NOS1: variants seen among roughly 807,000 people sequenced by gnomAD.
The protein encoded by NOS1 is nitric oxide synthase 1.
A neutral mutation model predicts 164.5 loss-of-function variants in NOS1; 51 were observed. The ratio of observed to expected loss-of-function variants is 0.31; its 90% CI spans 0.25 to 0.39. The LOEUF is 0.39. NOS1 is among the 10% of genes least tolerant of loss of function. The pLI is 1.00. For missense variants in NOS1, 1,362 were observed against 1,885.6 expected, an observed-to-expected ratio of 0.72 and a Z score of 5.14; for synonymous variants, 719 against 745.8, an observed-to-expected ratio of 0.96 and a Z score of 0.59.
At chr12:117,360,102 T>C (rs1335473388) in intron 1 of NOS1, among the ~76,000 whole-genome samples, 1 of 150,308 alleles carries the variant, frequency 6.7e-6, no homozygotes, top group Non-Finnish European at 1.5e-5. Context: ...ACGCAACAAG[T>C]AAAGGGTCGA....
At chr12:117,268,328 T>A (rs1872567935) in intron 10 of NOS1, among the ~76,000 whole-genome samples, 184 bp from the exon 11 acceptor site, 1 of 152,014 alleles carries the variant, frequency 6.6e-6, no homozygotes, top group South Asian at 2.1e-4. Context: ...CCTCCTGCAT[T>A]CAAGCGATTC....
intron 17 of NOS1, among the ~76,000 whole-genome samples, chr12:117,249,199 CAAG>C (rs1870894787): frequency 6.6e-6 from 1 of 152,124 alleles, no homozygotes. Flanking sequence ...TCTGGTATCT[CAAG>C]AAGAACAGTG....
chr12:117,269,374 T>A (rs900873413), intron 10 of NOS1, among the ~76,000 whole-genome samples: 11 of 151,424 alleles, frequency 7.3e-5, no homozygotes, highest in Non-Finnish European at 2.9e-5. Flanking sequence ...GAGACAGGAC[T>A]AGCTGGTGTA....
chr12:117,326,161 G>A (rs768616763), intron 2 of NOS1, among the ~76,000 whole-genome samples: 5 of 151,466 alleles, frequency 3.3e-5, no homozygotes, highest in African/African-American at 4.9e-5. Flanking sequence ...CGAGACGGGC[G>A]GATCACCTGA....
chr12:117,340,871 C>CTTTTTT (rs775978271), intron 1 of NOS1, among the ~76,000 whole-genome samples: 12 of 96,436 alleles, frequency 1.2e-4, no homozygotes, highest in South Asian at 7.2e-4. Context: ...TCACACCTGG[C>CTTTTTT]TATTTTTTTT....
rs142244649 is a variant in NOS1 at position 117,275,284 on chromosome 12, C to G, written c.1664+2675G>C. Among the ~76,000 whole-genome samples, 1,240 of 152,112 alleles carry G rather than the reference C, an allele frequency of 8.2e-3. 10 individuals carry two copies. The highest frequency in any genetic ancestry group is 0.01 in the Non-Finnish European group (694 of 67,980). ...TGAACTCCAAATTAATTCTCTCTCT[C>G]TCTCTCTCCCCACACTGGAATACCA... On this transcript the variant is annotated intron_variant, in intron 9 of 28. Transcript: ENST00000317775.
Position 117,214,640 on chromosome 12 carries a change from C to G in NOS1, c.*669G>C, listed in dbSNP as rs1444913578. On this transcript the variant is annotated 3_prime_UTR_variant, in exon 29 of 29. Coordinates refer to ENST00000317775, the MANE Select transcript of NOS1 (RefSeq NM_000620.5). ...CCACTCCTCTCCCCATGCCCTGAAC[C>G]CTTTCTAACTAGAACAATTATGGGG... 2 of 985,274 alleles carry G rather than the reference C, an allele frequency of 2.0e-6. No homozygotes were observed. Among genetic ancestry groups the G allele is most frequent in the African/African-American group, 1.7e-5 (1 of 57,218 alleles). 61.0% of individuals were successfully genotyped at this position (985,274 alleles called of 1,614,324 possible). A position where few individuals can be genotyped will look rare whatever the true frequency, so the allele number is the denominator to read the frequency against.
Position 117,243,745 on chromosome 12 carries a change from C to T in NOS1, c.2824-310G>A, listed in dbSNP as rs41458949. The stretch of plus-strand genomic sequence containing the variant: ...CCATGTATCTATCTTTCCATCCATC[C>T]ATCCATCCACCCATCCATCCACCCA... On this transcript the variant is annotated intron_variant, in intron 18 of 28. Coordinates refer to ENST00000317775, the MANE Select transcript of NOS1 (RefSeq NM_000620.5). This position sits in a 1 kb window ranked among gnomAD's most constrained non-coding sequence, Gnocchi z 4.3. 6.0e-3 allele frequency among the ~76,000 whole-genome samples: 911 copies of T among 152,022 alleles called. 9 individuals are homozygous for T. The highest frequency in any genetic ancestry group is 0.021 in the African/African-American group (872 of 41,464).
intron 1 of NOS1, among the ~76,000 whole-genome samples, chr12:117,344,995 CTTGCTTGCTTGCTTGG>C (rs1876279294): frequency 6.8e-6 from 1 of 147,920 alleles, no homozygotes; most frequent in Non-Finnish European, 1.5e-5. Flanking sequence ...ATGATTAATT[CTTGCTTGCTTGCTTGG>C]TTGCTTGGTT....
Position 117,232,043 on chromosome 12 carries a change from T to C in NOS1, c.3324A>G (p.Pro1108=), listed in dbSNP as rs766290200. Residue 1108 remains proline, a synonymous_variant, in exon 22 of 29, where the codon CCA becomes CCG. Coordinates refer to ENST00000317775, the MANE Select transcript of NOS1 (RefSeq NM_000620.5). ...AFKYYLDITT[P]PTPLQLQQFA... ...ACTGCTGCAGCTGCAGAGGCGTTGGTGGCGTGGTGATGTCCAGGTAGTACT... is the reference window on the plus strand; with the variant it reads ...ACTGCTGCAGCTGCAGAGGCGTTGGCGGCGTGGTGATGTCCAGGTAGTACT... The C allele has an allele frequency of 1.2e-6, 2 of 1,612,470 alleles. No individual in the cohort carries two copies. The highest frequency in any genetic ancestry group is 2.2e-5 in the South Asian group (2 of 90,990).
intron 1 of NOS1, among the ~76,000 whole-genome samples, chr12:117,360,937 C>T (rs1877113447): frequency 6.6e-6 from 1 of 152,090 alleles, no homozygotes; most frequent in Non-Finnish European, 1.5e-5. Flanking sequence ...AAAGTTGGAG[C>T]CTGGGCGCGT....
At chr12:117,359,508 G>A (rs1877016262) in intron 1 of NOS1, among the ~76,000 whole-genome samples, 1 of 152,186 alleles carries the variant, frequency 6.6e-6, no homozygotes, top group Admixed American at 6.5e-5. Context: ...CTCGGGAGGA[G>A]AGGTCTGGGG....
At chr12:117,240,975 C>T (rs557855371) in intron 20 of NOS1, among the ~76,000 whole-genome samples, 18 of 149,814 alleles carry the variant, frequency 1.2e-4, no homozygotes, top group African/African-American at 2.7e-4. Flanking sequence ...AGTCTCATTC[C>T]GTCGCCCAGG....
intron 3 of NOS1, chr12:117,305,122 G>T: frequency 1.0e-6 from 1 of 960,116 alleles, no homozygotes; most frequent in Non-Finnish European, 1.2e-6. Flanking sequence ...TAGGCCCCCT[G>T]TGGATGCTTA....
chr12:117,208,742 T>C lies in NOS1; in HGVS notation c.*6567A>G, dbSNP rs1457703766. ...GCATGGGAGGGCTTTTTTTTTTTTTTCCACAGGGTCTCATTCTGTCAACAA... is the reference window on the plus strand; with the variant it reads ...GCATGGGAGGGCTTTTTTTTTTTTTCCCACAGGGTCTCATTCTGTCAACAA... On this transcript the variant is annotated 3_prime_UTR_variant, in exon 29 of 29. Transcript: ENST00000317775. 1.1e-5 allele frequency: 11 copies of C among 988,864 alleles called. No individual in the cohort carries two copies. Among genetic ancestry groups the C allele is most frequent in the East Asian group, 2.2e-4 (2 of 9,200 alleles). 61.3% of individuals were successfully genotyped at this position (988,864 alleles called of 1,614,324 possible).
At chr12:117,260,907 C>T (rs1416136033) in intron 13 of NOS1, among the ~76,000 whole-genome samples, 2 of 151,388 alleles carry the variant, frequency 1.3e-5, no homozygotes, top group Non-Finnish European at 2.9e-5. Flanking sequence ...GTAGCTCATG[C>T]TTATAATCCC....
intron 3 of NOS1, among the ~76,000 whole-genome samples, chr12:117,294,015 G>A (rs1021438275): frequency 6.6e-6 from 1 of 152,130 alleles, no homozygotes; most frequent in African/African-American, 2.4e-5. Flanking sequence ...TCTGGGCAGG[G>A]CTTTGTAGCA....
At chr12:117,269,874 A>G (rs750248265) in intron 10 of NOS1, among the ~76,000 whole-genome samples, 4 of 152,306 alleles carry the variant, frequency 2.6e-5, no homozygotes, top group East Asian at 1.9e-4. Flanking sequence ...ATGACCTAGC[A>G]TCTAGGCCAT....
intron 10 of NOS1, among the ~76,000 whole-genome samples, chr12:117,268,938 A>AAAATG (rs1872616351): frequency 6.6e-6 from 1 of 152,164 alleles, no homozygotes; most frequent in Admixed American, 6.6e-5. Context: ...GTATGAAATA[A>AAAATG]AAATGTTAAA....
Sources: allele counts gnomAD v4.1 joint callset (sites outside exome capture counted in the v4.1 genomes callset), GRCh38; gene constraint gnomAD v4.1.1; non-coding constraint Gnocchi (gnomAD v3.1); transcripts MANE v1.5; gene names NCBI Gene and HGNC (gene_info 2026-07-23, HGNC 2026-07-21).